The following ZNF343 variants were observed in gnomAD, a reference collection of about 807,000 sequenced individuals.
The protein encoded by ZNF343 is zinc finger protein 343.
In ZNF343, 11 loss-of-function variants were observed where a neutral mutation model predicts 13.8. The observed-to-expected ratio is 0.80, with a 90% CI of 0.50 to 1.32. ZNF343 has a LOEUF of 1.32. Ranked by LOEUF, ZNF343 falls within the 40% of genes most tolerant of loss-of-function variation. The probability of loss-of-function intolerance (pLI) is 0.00; values close to 1 mark genes in which losing one functional copy is unlikely to be tolerated. For synonymous variants in ZNF343, 248 were observed against 260.0 expected (o/e 0.95, Z 0.44); for missense variants, 658 against 714.2 (o/e 0.92, Z 0.90).
At chr20:2,516,664 G>A (rs1217950328) in intron 1 of ZNF343, among the ~76,000 whole-genome samples, 1 of 152,120 alleles carries the variant, frequency 6.6e-6, no homozygotes, top group East Asian at 1.9e-4. Flanking sequence ...GGGTCAGGGT[G>A]AAGGTGAGAG....
chr20:2,490,009 TAAAA>T (rs1212387636), intron 5 of ZNF343, among the ~76,000 whole-genome samples: 1 of 123,242 alleles, frequency 8.1e-6, no homozygotes, highest in African/African-American at 3.1e-5. Context: ...TAAAGTAAAA[TAAAA>T]GAAGGAAAGA....
intron 1 of ZNF343, among the ~76,000 whole-genome samples, chr20:2,519,526 C>A (rs2085773852): frequency 1.3e-5 from 2 of 152,338 alleles, no homozygotes; most frequent in African/African-American, 4.8e-5. Flanking sequence ...CCTGGGGCTC[C>A]AGCCTGCCAG....
chr20:2,503,985 C>A (rs1391072974), intron 1 of ZNF343, among the ~76,000 whole-genome samples: 1 of 152,066 alleles, frequency 6.6e-6, no homozygotes, highest in Admixed American at 6.5e-5. Flanking sequence ...GAAATAGAGA[C>A]ACAAAAAAAC....
rs1416681550 is a variant in ZNF343, at chr20:2,518,831, C to T, written c.-347+5624G>A. 6.6e-6 allele frequency among the ~76,000 whole-genome samples: 1 copy of T among 152,174 alleles called. No homozygotes were observed. The highest frequency in any genetic ancestry group is 2.4e-5 in the African/African-American group (1 of 41,424). The stretch of plus-strand genomic sequence containing the variant: ...CAAATCTCATCTCGAATTGTAATCC[C>T]CACATGTCAGGGGAGGGACCTGGTG... On this transcript the variant is annotated intron_variant, in intron 1 of 6. Transcript: ENST00000358413. This position sits in a 1 kb window ranked among gnomAD's most constrained non-coding sequence, Gnocchi z 4.6.
At position 2,484,333 on chromosome 20, in the gene ZNF343, C is replaced by T. The variant is rs148777605; in HGVS notation, c.628G>A (p.Val210Met). The T allele has an allele frequency of 6.1e-5, 99 of 1,614,210 alleles. No individual in the cohort carries two copies. In the African/African-American group the frequency reaches 1.1e-3, roughly 18 times the overall value. Reference sequence around the variant, plus strand: ...GCTGAGCTGGGCTCTGTTTCTACCACCATGTTGCCTTTTCTAGGACTTGCT... The same window carrying T: ...GCTGAGCTGGGCTCTGTTTCTACCATCATGTTGCCTTTTCTAGGACTTGCT... ...QSASPRKGNM[V>M]VETEPSSAQR... is the part of the protein sequence containing the mutation. Residue 210 changes from valine to methionine, a missense_variant, in exon 6 of 6, where the codon GTG becomes ATG. By Grantham distance (21) the Val-to-Met change is conservative. Transcript: ENST00000278772.
chr20:2,519,165 A>G (rs542173439), intron 1 of ZNF343, among the ~76,000 whole-genome samples: 1 of 151,756 alleles, frequency 6.6e-6, no homozygotes, highest in Non-Finnish European at 1.5e-5. Context: ...TCTGACCCAT[A>G]CTCATTCTCT....
chr20:2,497,118 C>T (rs2085473467), intron 2 of ZNF343, among the ~76,000 whole-genome samples: 1 of 152,074 alleles, frequency 6.6e-6, no homozygotes. Flanking sequence ...GTGAGGAAAG[C>T]TATAACTGGA....
chr20:2,506,004 C>T lies in ZNF343; in HGVS notation c.-237+2877G>A, dbSNP rs140776553. Among the ~76,000 whole-genome samples the T allele has an allele frequency of 3.8e-3, 579 of 152,218 alleles. 9 individuals carry two copies. The highest frequency in any genetic ancestry group is 0.012 in the African/African-American group (516 of 41,520). ...AGAAACTACCATCAGAGTGAACAGG[C>T]AACCTATACAGAATGGGAGAAAATT... On this transcript the variant is annotated intron_variant, in intron 1 of 5. Transcript: ENST00000278772.
chr20:2,517,594 T>G (rs2085764941), intron 1 of ZNF343, among the ~76,000 whole-genome samples: 1 of 151,038 alleles, frequency 6.6e-6, no homozygotes, highest in South Asian at 2.1e-4. Flanking sequence ...CTCGACCTCC[T>G]GGGCTCAAGC....
At chr20:2,507,648 T>C (rs6114673) in intron 1 of ZNF343, among the ~76,000 whole-genome samples, 1 of 152,164 alleles carries the variant, frequency 6.6e-6, no homozygotes, top group Non-Finnish European at 1.5e-5. Context: ...CCAGTAATGA[T>C]GTCAGCAATG....
rs2085242257 is a variant in ZNF343, at chr20:2,484,225, A to G, written c.736T>C (p.Tyr246His). The change falls in exon 6 of 6, where the codon TAT (tyrosine) becomes CAT (histidine). Residue 246 changes from tyrosine (Y) to histidine (H), a missense_variant. Physicochemically the swap from Tyr to His is moderately conservative, Grantham distance 83. Transcript: ENST00000278772. ...LRFGAINCRE[Y>H]EPDHNLESNF... Reference sequence around the variant, plus strand: ...GATTCCAGGTTATGGTCCGGTTCATACTCTCTACAGTTGATTGCTCCAAAT... The same window carrying G: ...GATTCCAGGTTATGGTCCGGTTCATGCTCTCTACAGTTGATTGCTCCAAAT... The G allele has an allele frequency of 5.6e-6, 9 of 1,614,054 alleles. No homozygotes were observed. The highest frequency in any genetic ancestry group is 7.6e-6 in the Non-Finnish European group (9 of 1,180,014).
At chr20:2,486,188 T>C (rs1015491216) in intron 5 of ZNF343, among the ~76,000 whole-genome samples, 2 of 151,988 alleles carry the variant, frequency 1.3e-5, no homozygotes, top group Non-Finnish European at 2.9e-5. Flanking sequence ...GGAGAAGAAA[T>C]CTCATTTGTG....
At position 2,492,764 on chromosome 20, in the gene ZNF343, C is replaced by T. The variant is rs763171609; in HGVS notation, c.239G>A (p.Ser80Asn). The change falls in exon 5 of 6, where the codon AGT becomes AAT. Residue 80 changes from serine (S) to asparagine (N), a missense_variant. Transcript: ENST00000278772. Reference protein sequence around the residue: ...IFTEAEWKRLSPEQRNLYKEV... With the variant: ...IFTEAEWKRLNPEQRNLYKEV... ...TTTGTATAGATTCCTCTGCTCTGGA[C>T]TCAGTCTCTTCCATTCTGCTTCTGT... 6.2e-7 allele frequency: 1 copy of T among 1,613,692 alleles called. No homozygotes were observed. The highest frequency in any genetic ancestry group is 8.5e-7 in the Non-Finnish European group (1 of 1,179,924).
At chr20:2,514,329 TGTAA>T (rs953419864) in intron 1 of ZNF343, among the ~76,000 whole-genome samples, 1 of 152,230 alleles carries the variant, frequency 6.6e-6, no homozygotes, top group Non-Finnish European at 1.5e-5. Context: ...ACTTTTCTTC[TGTAA>T]GTAAGACCAA....
intron 4 of ZNF343, 127 bp downstream of exon 4, chr20:2,493,392 C>G: frequency 1.2e-6 from 1 of 855,218 alleles, no homozygotes; most frequent in Admixed American, 2.2e-5. Flanking sequence ...TTCAAGAAAG[C>G]CTAATGCTTC....
intron 1 of ZNF343, among the ~76,000 whole-genome samples, chr20:2,522,485 G>T (rs897666364): frequency 2.0e-5 from 3 of 152,204 alleles, no homozygotes; most frequent in Non-Finnish European, 4.4e-5. Flanking sequence ...CTTACAAAAA[G>T]ATTACTTAGT....
chr20:2,521,545 T>C (rs2085782542), intron 1 of ZNF343, among the ~76,000 whole-genome samples: 1 of 152,204 alleles, frequency 6.6e-6, no homozygotes, highest in African/African-American at 2.4e-5. Context: ...CTTCCAGCTC[T>C]AGAAGCAGAG....
intron 1 of ZNF343, among the ~76,000 whole-genome samples, chr20:2,522,626 C>T (rs1291683703): frequency 6.6e-6 from 1 of 152,162 alleles, no homozygotes; most frequent in Non-Finnish European, 1.5e-5. Context: ...TATATTTACT[C>T]CGACTCATAA....
intron 5 of ZNF343, among the ~76,000 whole-genome samples, chr20:2,487,855 T>C (rs2085304901): frequency 6.6e-6 from 1 of 152,242 alleles, no homozygotes. Context: ...ATGCTGCCAA[T>C]GGTATGTTAA....
Sources: allele counts gnomAD v4.1 joint callset (sites outside exome capture counted in the v4.1 genomes callset), GRCh38; gene constraint gnomAD v4.1.1; non-coding constraint Gnocchi (gnomAD v3.1); transcripts MANE v1.5; gene names NCBI Gene and HGNC (gene_info 2026-07-23, HGNC 2026-07-21).